The following MRC1 variants were observed in gnomAD, a reference collection of about 807,000 sequenced individuals.
MRC1 encodes mannose receptor C-type 1.
Under a neutral mutation model 102.9 loss-of-function variants are expected in MRC1, and 62 were observed. The ratio of observed to expected loss-of-function variants is 0.60; its 90% CI spans 0.49 to 0.74. MRC1 has a LOEUF of 0.74. MRC1 is among the 30% of genes least tolerant of loss of function. The pLI is 0.00. For synonymous variants in MRC1, 457 were observed against 298.4 expected (o/e 1.53, Z -5.48); for missense variants, 1,237 against 862.8 (o/e 1.43, Z -5.43).
At chr10:17,811,130 C>T (rs1237476960) in intron 1 of MRC1, among the ~76,000 whole-genome samples, 7 of 152,156 alleles carry the variant, frequency 4.6e-5, no homozygotes, top group Non-Finnish European at 7.3e-5. Context: ...CCCAGTAACT[C>T]GGAAATATTA....
intron 24 of MRC1, among the ~76,000 whole-genome samples, chr10:17,898,538 A>T (rs1027417342): frequency 2.6e-5 from 4 of 152,208 alleles, no homozygotes; most frequent in Non-Finnish European, 5.9e-5. Context: ...TTATATTCCA[A>T]ATCTCAACAG....
At chr10:17,850,362 G>C (rs1288633470) in intron 7 of MRC1, among the ~76,000 whole-genome samples, 2 of 149,856 alleles carry the variant, frequency 1.3e-5, no homozygotes, top group African/African-American at 2.5e-5. Flanking sequence ...CACTTTGGGA[G>C]GCCAAGGTGG....
chr10:17,857,669 GTGCT>G (rs1833114360), intron 9 of MRC1, among the ~76,000 whole-genome samples: 1 of 152,190 alleles, frequency 6.6e-6, no homozygotes, highest in South Asian at 2.1e-4. Flanking sequence ...GTTTGAGGCA[GTGCT>G]TTCCTTACCG....
chr10:17,826,384 G>C (rs1838476137), intron 2 of MRC1, among the ~76,000 whole-genome samples: 1 of 152,076 alleles, frequency 6.6e-6, no homozygotes, highest in African/African-American at 2.4e-5. Flanking sequence ...TCTATTTTTA[G>C]TGGAGACAGG....
At chr10:17,899,407 A>G (rs953170513) in intron 24 of MRC1, among the ~76,000 whole-genome samples, 3 of 152,214 alleles carry the variant, frequency 2.0e-5, no homozygotes, top group Non-Finnish European at 4.4e-5. Flanking sequence ...TTATTTTTAG[A>G]AAGATTAAAT....
intron 22 of MRC1, among the ~76,000 whole-genome samples, chr10:17,892,982 C>T (rs1242781317): frequency 6.7e-6 from 1 of 150,258 alleles, no homozygotes; most frequent in African/African-American, 2.5e-5. Flanking sequence ...TGCAATCCAG[C>T]CTGGCGACAG....
chr10:17,906,745 A>G (rs2130724841), intron 26 of MRC1, 141 bp from the exon 27 acceptor site: 1 of 737,564 alleles, frequency 1.4e-6, no homozygotes, highest in East Asian at 2.4e-5. Context: ...TGAGGAAACA[A>G]ACACCTGCCC....
At position 17,898,163 on chromosome 10, in the gene MRC1, A is replaced by G. The variant is rs1376860965; in HGVS notation, c.3380A>G (p.Asn1127Ser). The G allele has an allele frequency of 9.0e-6, 7 of 780,764 alleles. No homozygotes were observed. The highest frequency in any genetic ancestry group is 5.4e-5 in the South Asian group (4 of 74,618). 48.4% of individuals were successfully genotyped at this position (780,764 alleles called of 1,614,324 possible). Residue 1127 changes from asparagine to serine, a missense_variant, in exon 24 of 30, where the codon AAT becomes AGT. Asn to Ser is a conservative substitution (Grantham distance 46). Transcript: ENST00000569591. ...GCGGAGACATACTGCAAGCTTCACA[A>G]TTCCCTTATAGCCAGCATTCTGGAT... ...HEAETYCKLH[N>S]SLIASILDPY... is the part of the protein sequence containing the mutation.
At chr10:17,813,469 A>G (rs1363803464) in intron 1 of MRC1, among the ~76,000 whole-genome samples, 1 of 152,054 alleles carries the variant, frequency 6.6e-6, no homozygotes, top group Non-Finnish European at 1.5e-5. Context: ...TGTATGTCTT[A>G]TGGTAAATAT....
At chr10:17,897,001 C>T (rs1022641144) in intron 23 of MRC1, among the ~76,000 whole-genome samples, 8 of 152,178 alleles carry the variant, frequency 5.3e-5, no homozygotes, top group African/African-American at 1.9e-4. Flanking sequence ...GTCAACTCTG[C>T]TGTGGTCACA....
intron 23 of MRC1, among the ~76,000 whole-genome samples, chr10:17,896,794 A>G (rs1658202311): frequency 2.0e-5 from 3 of 152,294 alleles, no homozygotes; most frequent in African/African-American, 7.2e-5. Context: ...ATGAAATGAA[A>G]TGAAACAAAA....
chr10:17,874,328 A>G (rs1833396303), intron 16 of MRC1, among the ~76,000 whole-genome samples: 1 of 152,112 alleles, frequency 6.6e-6, no homozygotes, highest in African/African-American at 2.4e-5. Context: ...TTCCTCCTTC[A>G]AAACCAGCAA....
At chr10:17,894,093 A>G in intron 22 of MRC1, 117 bp from the exon 23 acceptor site, 1 of 750,496 alleles carries the variant, frequency 1.3e-6, no homozygotes, top group Non-Finnish European at 2.4e-6. Flanking sequence ...TTAAGTTAGG[A>G]CAATCTTAAA....
chr10:17,831,239 C>T (rs1028677168), intron 3 of MRC1, among the ~76,000 whole-genome samples: 19 of 150,982 alleles, frequency 1.3e-4, no homozygotes, highest in Non-Finnish European at 2.1e-4. Flanking sequence ...TTGTCTAAAA[C>T]GAGTTGTTTA....
Position 17,881,013 on chromosome 10 carries a change from CT to C in MRC1, c.2866-51del. 6.4e-6 allele frequency: 5 copies of C among 778,782 alleles called. No individual in the cohort carries two copies. In the East Asian group the frequency reaches 1.2e-4, roughly 19 times the overall value. 48.2% of individuals were successfully genotyped at this position (778,782 alleles called of 1,614,324 possible). A position where few individuals can be genotyped will look rare whatever the true frequency, so the allele number is the denominator to read the frequency against. On this transcript the variant is annotated intron_variant, in intron 20 of 29. Coordinates refer to ENST00000569591, the MANE Select transcript of MRC1 (RefSeq NM_002438.4). ...CTTTTTGTAGAGCAAAGTTGATCATCTTTAGTTAACCCCTGCAGTTTTTCTT... is the reference window on the plus strand; with the variant it reads ...CTTTTTGTAGAGCAAAGTTGATCATCTTAGTTAACCCCTGCAGTTTTTCTT...
intron 1 of MRC1, among the ~76,000 whole-genome samples, chr10:17,818,881 T>A (rs1157816919): frequency 2.0e-5 from 3 of 152,120 alleles, no homozygotes; most frequent in African/African-American, 7.2e-5. Flanking sequence ...AAACATGAAG[T>A]CACTAATGTG....
intron 5 of MRC1, 77 bp from the exon 6 acceptor site, chr10:17,845,212 A>G: frequency 1.3e-6 from 1 of 780,614 alleles, no homozygotes. Context: ...GGATGAAGAC[A>G]TGAGGAGACG....
intron 23 of MRC1, 110 bp downstream of exon 23, chr10:17,894,422 CAG>C (rs1426570900): frequency 1.7e-6 from 1 of 587,260 alleles, no homozygotes; most frequent in Non-Finnish European, 2.9e-6. Flanking sequence ...TTTTTTGAGG[CAG>C]AGTCTCGCTC....
chr10:17,909,414 A>G (rs899729400), intron 29 of MRC1, 67 bp downstream of exon 29: 3 of 808,544 alleles, frequency 3.7e-6, no homozygotes, highest in Admixed American at 1.7e-5. Flanking sequence ...TTTAAAAGGC[A>G]TAATCATAAT....
Sources: allele counts gnomAD v4.1 joint callset (sites outside exome capture counted in the v4.1 genomes callset), GRCh38; gene constraint gnomAD v4.1.1; transcripts MANE v1.5; gene names NCBI Gene and HGNC (gene_info 2026-07-23, HGNC 2026-07-21).